The following PCDHB14 variants were observed in gnomAD, a reference collection of about 807,000 sequenced individuals.
PCDHB14 encodes the protein protocadherin beta-14.
For missense variants in PCDHB14, 1,129 were observed against 1,000.5 expected (o/e 1.13, Z -1.73); for synonymous variants, 511 against 441.5 (o/e 1.16, Z -1.97).
rs1754793566 is a variant in PCDHB14 at position 141,224,531 on chromosome 5, C to T, written c.1026C>T (p.Asp342=). The T allele has an allele frequency of 1.2e-6, 2 of 1,612,664 alleles. No individual in the cohort carries two copies. Among genetic ancestry groups the T allele is most frequent in the East Asian group, 4.5e-5 (2 of 44,866 alleles). Residue 342 remains aspartate (D), a synonymous_variant, in exon 1 of 1, where the codon GAC becomes GAT. Transcript: ENST00000239449. ...TLLVKVMDIN[D]NPPEVTISSI... ...TAGTTAAAGTTATGGATATAAACGACAACCCACCAGAAGTGACCATATCGT... is the reference window on the plus strand; with the variant it reads ...TAGTTAAAGTTATGGATATAAACGATAACCCACCAGAAGTGACCATATCGT...
Position 141,227,098 on chromosome 5 carries a change from C to T in PCDHB14, c.*1196C>T, listed in dbSNP as rs1367875849. 6.6e-6 allele frequency: 1 copy of T among 152,200 alleles called. No homozygotes were observed. The highest frequency in any genetic ancestry group is 2.4e-5 in the African/African-American group (1 of 41,432). The allele number at this position is 152,200 out of a possible 1,614,324, so 9.4% of individuals were successfully genotyped here. A position where few individuals can be genotyped will look rare whatever the true frequency, so the allele number is the denominator to read the frequency against. On this transcript the variant is annotated 3_prime_UTR_variant, in exon 1 of 1. Coordinates refer to ENST00000239449, the MANE Select transcript of PCDHB14 (RefSeq NM_018934.4). ...CCACCTGCTTTGGCCTCCCAACGTG[C>T]TAGGATTACAGGCATGAGCCATTAC...
chr5:141,226,230 A>G lies in PCDHB14; in HGVS notation c.*328A>G. On this transcript the variant is annotated 3_prime_UTR_variant, in exon 1 of 1. Transcript: ENST00000239449. ...GTATTAAGAGCTAATGTCATTATAT[A>G]TGTAACTTAAATCTAGACACCATCA... The G allele has an allele frequency of 4.6e-6, 1 of 218,306 alleles. No individual in the cohort carries two copies. The highest frequency in any genetic ancestry group is 9.8e-6 in the Non-Finnish European group (1 of 101,810). 13.5% of individuals were successfully genotyped at this position (218,306 alleles called of 1,614,324 possible). A position where few individuals can be genotyped will look rare whatever the true frequency, so the allele number is the denominator to read the frequency against.
rs1554289592 is a variant in PCDHB14, at chr5:141,225,817, T to C, written c.2312T>C (p.Ile771Thr). 1.2e-6 allele frequency: 2 copies of C among 1,614,168 alleles called. No individual in the cohort carries two copies. Among genetic ancestry groups the C allele is most frequent in the Admixed American group, 1.7e-5 (1 of 60,024 alleles). The part of the protein sequence containing the change: ...TNEFKFLKPI[I>T]PNFQVHDTGR... ...GAGTTCAAATTTCTGAAGCCGATTATCCCCAATTTTCAAGTTCATGACACT... is the reference window on the plus strand; with the variant it reads ...GAGTTCAAATTTCTGAAGCCGATTACCCCCAATTTTCAAGTTCATGACACT... The change falls in exon 1 of 1, where the codon ATC becomes ACC. Residue 771 changes from isoleucine to threonine, a missense_variant. Ile to Thr is a moderately conservative substitution (Grantham distance 89, BLOSUM62 -1). Transcript: ENST00000239449.
Position 141,226,514 on chromosome 5 carries a change from G to C in PCDHB14, c.*612G>C, listed in dbSNP as rs1004942672. On this transcript the variant is annotated 3_prime_UTR_variant, in exon 1 of 1. Transcript: ENST00000239449. ...TTGATAATCCTGTTGTGGAGGAAGA[G>C]TCTTATAATGCTCTGGGCTTTGCTG... The C allele has an allele frequency of 1.3e-5, 2 of 152,236 alleles. No individual in the cohort carries two copies. The highest frequency in any genetic ancestry group is 4.8e-5 in the African/African-American group (2 of 41,446). The allele number at this position is 152,236 out of a possible 1,614,324, so 9.4% of individuals were successfully genotyped here. A position where few individuals can be genotyped will look rare whatever the true frequency, so the allele number is the denominator to read the frequency against.
chr5:141,227,416 T>C lies in PCDHB14; in HGVS notation c.*1514T>C, dbSNP rs1554289720. ...TGGGTAGGCATTTATGGTTTATAGT[T>C]GCCTCATCATGTAACATATTATATC... On this transcript the variant is annotated 3_prime_UTR_variant, in exon 1 of 1. Transcript: ENST00000239449. 6.6e-6 allele frequency: 1 copy of C among 152,226 alleles called. No individual in the cohort carries two copies. Among genetic ancestry groups the C allele is most frequent in the Admixed American group, 6.5e-5 (1 of 15,288 alleles). 9.4% of individuals were successfully genotyped at this position (152,226 alleles called of 1,614,324 possible).
rs1268582582 is a variant in PCDHB14 at position 141,224,847 on chromosome 5, G to GC, written c.1347dup (p.Thr450HisfsTer226). On this transcript the variant is annotated frameshift_variant, in exon 1 of 1. Transcript: ENST00000239449. LOFTEE classifies it low-confidence loss of function (END_TRUNC). The stretch of plus-strand genomic sequence containing the variant: ...GCTGCTCTCTGACGTCAATGACAAC[G>GC]CCCCCACCTTCACCCAAACCTCCTA... 9.9e-6 allele frequency: 16 copies of GC among 1,613,588 alleles called. No homozygotes were observed. Among genetic ancestry groups the GC allele is most frequent in the East Asian group, 4.5e-5 (2 of 44,880 alleles).
Position 141,225,374 on chromosome 5 carries a change from G to A in PCDHB14, c.1869G>A (p.Glu623=), listed in dbSNP as rs781828097. Residue 623 remains glutamate (E), a synonymous_variant, in exon 1 of 1, where the codon GAG becomes GAA. Coordinates refer to ENST00000239449, the MANE Select transcript of PCDHB14 (RefSeq NM_018934.4). The stretch of plus-strand genomic sequence containing the variant: ...TCGGCGTGTGGGCGCACAATGGCGA[G>A]GTGCGCACCGCCAGGCTGCTGAGCG... The part of the protein sequence containing the change: ...GLFGVWAHNG[E]VRTARLLSER... 6 of 1,603,812 alleles carry A rather than the reference G, an allele frequency of 3.7e-6. No homozygotes were observed. The highest frequency in any genetic ancestry group is 5.1e-6 in the Non-Finnish European group (6 of 1,179,318).
Position 141,223,817 on chromosome 5 carries a change from G to T in PCDHB14, c.312G>T (p.Leu104=), listed in dbSNP as rs1284153899. 2.5e-6 allele frequency: 4 copies of T among 1,613,540 alleles called. No individual in the cohort carries two copies. In the African/African-American group the frequency reaches 5.3e-5, roughly 22 times the overall value. ...GTGGCTCCACCGAGCCCTGTGTGCTGCATTTTCAGGTGGTTTTGGAAAACC... is the reference window on the plus strand; with the variant it reads ...GTGGCTCCACCGAGCCCTGTGTGCTTCATTTTCAGGTGGTTTTGGAAAACC... The part of the protein sequence containing the change: ...ELCGSTEPCV[L]HFQVVLENPL... The change falls in exon 1 of 1, where the codon CTG becomes CTT. Residue 104 remains leucine, a synonymous_variant. Transcript: ENST00000239449.
In PCDHB14 at chr5:141,225,680, C is replaced by T; in HGVS notation, c.2175C>T (p.Cys725=). Reference sequence around the variant, plus strand: ...GCAGGGCGGCCTCGGTGGGTCGCTGCTCGGTGCCCGAGGGTCCCTTTCCAG... The same window carrying T: ...GCAGGGCGGCCTCGGTGGGTCGCTGTTCGGTGCCCGAGGGTCCCTTTCCAG... ...RRSRAASVGR[C]SVPEGPFPGH... Residue 725 remains cysteine (C), a synonymous_variant, in exon 1 of 1, where the codon TGC becomes TGT. Transcript: ENST00000239449. 6.2e-7 allele frequency: 1 copy of T among 1,614,022 alleles called. No homozygotes were observed. The highest frequency in any genetic ancestry group is 1.7e-5 in the Admixed American group (1 of 60,016).
Position 141,224,981 on chromosome 5 carries a change from G to A in PCDHB14, c.1476G>A (p.Pro492=), listed in dbSNP as rs782655623. ...CCCAGGTCAACTACTCGCTGCTGCC[G>A]CCCCAGGACCGGCACCTGCCCCTCG... The part of the protein sequence containing the change: ...TNAQVNYSLL[P]PQDRHLPLAS... Residue 492 remains proline, a synonymous_variant, in exon 1 of 1, where the codon CCG becomes CCA. Transcript: ENST00000239449. The A allele has an allele frequency of 3.1e-6, 5 of 1,612,528 alleles. No homozygotes were observed. The East Asian group carries it at 1.1e-4, about 36-fold the overall frequency.
At position 141,224,876 on chromosome 5, in the gene PCDHB14, C is replaced by A. The variant is rs782208211; in HGVS notation, c.1371C>A (p.Thr457=). The part of the protein sequence containing the change: ...NAPTFTQTSY[T]LFVRENNSPA... ...CCACCTTCACCCAAACCTCCTACAC[C>A]CTGTTCGTCCGCGAGAACAACAGCC... The change falls in exon 1 of 1, where the codon ACC becomes ACA. Residue 457 remains threonine (T), a synonymous_variant. Transcript: ENST00000239449. The A allele has an allele frequency of 2.5e-6, 4 of 1,613,520 alleles. No homozygotes were observed. In the Admixed American group the frequency reaches 5.0e-5, roughly 20 times the overall value.
chr5:141,223,748 T>A lies in PCDHB14; in HGVS notation c.243T>A (p.Thr81=), dbSNP rs1554289039. The A allele has an allele frequency of 1.2e-6, 2 of 1,614,156 alleles. No individual in the cohort carries two copies. Among genetic ancestry groups the A allele is most frequent in the Non-Finnish European group, 1.7e-6 (2 of 1,180,018 alleles). The change falls in exon 1 of 1, where the codon ACT becomes ACA. Residue 81 remains threonine, a synonymous_variant. Transcript: ENST00000239449. Reference sequence around the variant, plus strand: ...AGTATTTGCACCTTGATTTGCTGACTGGGAATTTGCTCCTAAATGAGAAAC... The same window carrying A: ...AGTATTTGCACCTTGATTTGCTGACAGGGAATTTGCTCCTAAATGAGAAAC... ...NKKYLHLDLL[T]GNLLLNEKLD... is the part of the protein sequence containing the mutation.
rs1563998894 is a variant in PCDHB14 at position 141,224,228 on chromosome 5, GT to G, written c.726del (p.Pro243LeufsTer61). On this transcript the variant is annotated frameshift_variant, in exon 1 of 1. Transcript: ENST00000239449. LOFTEE classifies it low-confidence loss of function (END_TRUNC). ...TGGACATCAATGATAATGCCCCTGA[GT>G]TTCCTCAGAGTCTCTATGAGGTGCA... ...VLDINDNAPE[F>X]PQSLYEVQVP... 9.3e-6 allele frequency: 15 copies of G among 1,613,626 alleles called. No homozygotes were observed. In the South Asian group the frequency reaches 1.3e-4, roughly 14 times the overall value.
rs782175701 is a variant in PCDHB14 at position 141,225,819 on chromosome 5, C to T, written c.2314C>T (p.Pro772Ser). ...GTTCAAATTTCTGAAGCCGATTATC[C>T]CCAATTTTCAAGTTCATGACACTGG... is the stretch of plus-strand genomic sequence containing the variant. Reference protein sequence around the residue: ...NEFKFLKPIIPNFQVHDTGRN... With the variant: ...NEFKFLKPIISNFQVHDTGRN... The change falls in exon 1 of 1, where the codon CCC becomes TCC. Residue 772 changes from proline (P) to serine (S), a missense_variant. Coordinates refer to ENST00000239449, the MANE Select transcript of PCDHB14 (RefSeq NM_018934.4). The T allele has an allele frequency of 1.2e-6, 2 of 1,614,050 alleles. No individual in the cohort carries two copies. Among genetic ancestry groups the T allele is most frequent in the South Asian group, 1.1e-5 (1 of 91,086 alleles).
chr5:141,225,196 C>T lies in PCDHB14; in HGVS notation c.1691C>T (p.Pro564Leu). The T allele has an allele frequency of 1.2e-6, 2 of 1,608,690 alleles. No homozygotes were observed. The highest frequency in any genetic ancestry group is 1.7e-6 in the Non-Finnish European group (2 of 1,179,370). The change falls in exon 1 of 1, where the codon CCG (proline) becomes CTG (leucine). Residue 564 changes from proline (P) to leucine (L), a missense_variant. Physicochemically the swap from Pro to Leu is moderately conservative, Grantham distance 98. Coordinates refer to ENST00000239449, the MANE Select transcript of PCDHB14 (RefSeq NM_018934.4). ...GACAACTCGCCCTTCGTGCTGTACC[C>T]GCTGCAGAACGGCTCCGCGCCCTGC... ...ANDNSPFVLY[P>L]LQNGSAPCTE...
rs782660834 is a variant in PCDHB14 at position 141,224,454 on chromosome 5, A to G, written c.949A>G (p.Ile317Val). 1.9e-6 allele frequency: 3 copies of G among 1,611,584 alleles called. No individual in the cohort carries two copies. Among genetic ancestry groups the G allele is most frequent in the South Asian group, 1.1e-5 (1 of 90,648 alleles). The change falls in exon 1 of 1, where the codon ATA becomes GTA. Residue 317 changes from isoleucine to valine, a missense_variant. Transcript: ENST00000239449. ...LDFEVIQSYT[I>V]NIQATDGGGL... is the part of the protein sequence containing the mutation. ...TTTTGAAGTAATACAGTCCTACACT[A>G]TAAATATTCAGGCAACAGATGGTGG...
rs374105052 is a variant in PCDHB14, at chr5:141,224,916, G to A, written c.1411G>A (p.Gly471Ser). 3 of 1,612,890 alleles carry A rather than the reference G, an allele frequency of 1.9e-6. No individual in the cohort carries two copies. The highest frequency in any genetic ancestry group is 2.2e-5 in the South Asian group (2 of 91,002). ...GAACAACAGCCCCGCCCTGCACATCGGCAGCGTCAGCGCCACAGACAGAGA... is the reference window on the plus strand; with the variant it reads ...GAACAACAGCCCCGCCCTGCACATCAGCAGCGTCAGCGCCACAGACAGAGA... The part of the protein sequence containing the change: ...RENNSPALHI[G>S]SVSATDRDSG... Residue 471 changes from glycine to serine, a missense_variant, in exon 1 of 1, where the codon GGC (glycine) becomes AGC (serine). Physicochemically the swap from Gly to Ser is moderately conservative, Grantham distance 56. Coordinates refer to ENST00000239449, the MANE Select transcript of PCDHB14 (RefSeq NM_018934.4).
rs782798439 is a variant in PCDHB14 at position 141,225,152 on chromosome 5, G to A, written c.1647G>A (p.Val549=). The A allele has an allele frequency of 2.5e-6, 4 of 1,611,370 alleles. No homozygotes were observed. Reference sequence around the variant, plus strand: ...TGAGCAGCGAGGCGCTGGTGCGCGTGCTGGTGCTGGACGCCAACGACAACT... The same window carrying A: ...TGAGCAGCGAGGCGCTGGTGCGCGTACTGGTGCTGGACGCCAACGACAACT... ...PALSSEALVR[V]LVLDANDNSP... Residue 549 remains valine (V), a synonymous_variant, in exon 1 of 1, where the codon GTG becomes GTA. Coordinates refer to ENST00000239449, the MANE Select transcript of PCDHB14 (RefSeq NM_018934.4).
chr5:141,225,466 C>G lies in PCDHB14; in HGVS notation c.1961C>G (p.Ala654Gly), dbSNP rs1256504742. The G allele has an allele frequency of 1.2e-5, 20 of 1,603,718 alleles. No homozygotes were observed. Among genetic ancestry groups the G allele is most frequent in the Non-Finnish European group, 1.7e-5 (20 of 1,179,380 alleles). Reference sequence around the variant, plus strand: ...GACAATGGCGAGCCTCCTCGCTCGGCCACCGCCACGCTGCACGTGCTCCTG... The same window carrying G: ...GACAATGGCGAGCCTCCTCGCTCGGGCACCGCCACGCTGCACGTGCTCCTG... Reference protein sequence around the residue: ...VKDNGEPPRSATATLHVLLVD... With the variant: ...VKDNGEPPRSGTATLHVLLVD... The change falls in exon 1 of 1, where the codon GCC (alanine) becomes GGC (glycine). Residue 654 changes from alanine (A) to glycine (G), a missense_variant. By Grantham distance (60) the Ala-to-Gly change is moderately conservative (BLOSUM62 0). Transcript: ENST00000239449.
Sources: allele counts gnomAD v4.1 joint callset, GRCh38; gene constraint gnomAD v4.1.1; transcripts MANE v1.5; gene names NCBI Gene and HGNC (gene_info 2026-07-23, HGNC 2026-07-21).